GRB14: variants seen among roughly 807,000 people sequenced by gnomAD.
The protein encoded by GRB14 is growth factor receptor bound protein 14.
Under a neutral mutation model 69.1 loss-of-function variants are expected in GRB14, and 38 were observed. The observed-to-expected ratio is 0.55, with a 90% CI of 0.42 to 0.72. The LOEUF (loss-of-function observed/expected upper bound fraction) is 0.72, where lower values mean the gene tolerates loss of function less well. Ranked by LOEUF, GRB14 falls within the 30% of genes least tolerant of loss-of-function variation. The pLI is 0.00. For synonymous variants in GRB14, 247 were observed against 241.3 expected (o/e 1.02, Z -0.22); for missense variants, 666 against 666.1 (o/e 1.00, Z 0.00).
intron 3 of GRB14, 58 bp downstream of exon 3, chr2:164,547,602 G>A: frequency 7.4e-7 from 1 of 1,352,816 alleles, no homozygotes; most frequent in Non-Finnish European, 1.0e-6. Flanking sequence ...GTGTTCAAGA[G>A]GGAGCTGAAC....
At chr2:164,536,084 A>G (rs1485651586) in intron 3 of GRB14, among the ~76,000 whole-genome samples, 2 of 152,194 alleles carry the variant, frequency 1.3e-5, no homozygotes, top group Non-Finnish European at 2.9e-5. Flanking sequence ...TGAGCACAGC[A>G]TGTGATTTCT....
intron 8 of GRB14, among the ~76,000 whole-genome samples, chr2:164,507,357 C>T (rs1055104256): frequency 1.3e-5 from 2 of 152,110 alleles, no homozygotes; most frequent in Non-Finnish European, 2.9e-5. Context: ...AATGGGGGAA[C>T]CTAAGGACTT....
chr2:164,524,394 A>G (rs1380202755), intron 5 of GRB14, among the ~76,000 whole-genome samples: 2 of 152,118 alleles, frequency 1.3e-5, no homozygotes, highest in Admixed American at 6.6e-5. Flanking sequence ...GAAAATAACC[A>G]TTTCAAGCCA....
chr2:164,598,478 T>C (rs1479218179), intron 2 of GRB14, among the ~76,000 whole-genome samples: 1 of 152,200 alleles, frequency 6.6e-6, no homozygotes, highest in African/African-American at 2.4e-5. Context: ...ATTTGAATGT[T>C]AAATTAAATG....
Position 164,590,778 on chromosome 2 carries a change from C to T in GRB14, c.324+28909G>A, listed in dbSNP as rs181190304. 1.5e-4 allele frequency among the ~76,000 whole-genome samples: 23 copies of T among 152,250 alleles called. No individual in the cohort carries two copies. In the East Asian group the frequency reaches 4.2e-3, roughly 28 times the overall value. The stretch of plus-strand genomic sequence containing the variant: ...TAAATTTTCATAAATAAGATACAAT[C>T]ATTTTCTTCATTATTTGAATAGAAA... On this transcript the variant is annotated intron_variant, in intron 2 of 13. Transcript: ENST00000263915.
intron 3 of GRB14, among the ~76,000 whole-genome samples, chr2:164,536,731 A>G (rs1688088640): frequency 6.6e-6 from 1 of 152,210 alleles, no homozygotes; most frequent in South Asian, 2.1e-4. Flanking sequence ...ATTACAACCT[A>G]TGGATGTACT....
chr2:164,582,617 C>T (rs905205628), intron 2 of GRB14, among the ~76,000 whole-genome samples: 2 of 151,954 alleles, frequency 1.3e-5, no homozygotes, highest in Admixed American at 6.6e-5. Context: ...GACGGGGTTT[C>T]GCCATCTTGG....
rs760139783 is a variant in GRB14 at position 164,521,970 on chromosome 2, T to G, written c.816+10A>C. On this transcript the variant is annotated intron_variant, in intron 6 of 13. Transcript: ENST00000263915. ...GTCAGTCATAACACATCATGGATACTTCAATTTACCTTTGATGTTCCTTTA... is the reference window on the plus strand; with the variant it reads ...GTCAGTCATAACACATCATGGATACGTCAATTTACCTTTGATGTTCCTTTA... The G allele has an allele frequency of 6.3e-7, 1 of 1,592,668 alleles. No homozygotes were observed.
Position 164,621,227 on chromosome 2 carries a change from C to A in GRB14, c.83G>T (p.Gly28Val). The A allele has an allele frequency of 8.0e-7, 1 of 1,256,758 alleles. No homozygotes were observed. The allele number at this position is 1,256,758 out of a possible 1,614,324, so 77.9% of individuals were successfully genotyped here. ...RDSPLAAQVC[G>V]AAQGRGDAHD... ...GGCGTCGCCCCTCCCCTGGGCAGCGCCACACACCTGGGCGGCCAGCGGCGA... is the reference window on the plus strand; with the variant it reads ...GGCGTCGCCCCTCCCCTGGGCAGCGACACACACCTGGGCGGCCAGCGGCGA... The change falls in exon 1 of 14, where the codon GGC becomes GTC. Residue 28 changes from glycine (G) to valine (V), a missense_variant. Physicochemically the swap from Gly to Val is moderately radical, Grantham distance 109. Transcript: ENST00000263915. This position sits in a 1 kb window ranked among gnomAD's most constrained non-coding sequence, Gnocchi z 6.0.
At position 164,619,793 on chromosome 2, in the gene GRB14, G is replaced by A. The variant is rs531591469; in HGVS notation, c.218C>T (p.Pro73Leu). Residue 73 changes from proline to leucine, a missense_variant, in exon 2 of 14, where the codon CCG becomes CTG. Transcript: ENST00000263915. ...DRRKKKDLDV[P>L]EMPSIPNPFP... ...AGGGTTTGGAATAGATGGCATTTCCGGAACATCAAGATCTTTCTTTTTTCT... is the reference window on the plus strand; with the variant it reads ...AGGGTTTGGAATAGATGGCATTTCCAGAACATCAAGATCTTTCTTTTTTCT... The A allele has an allele frequency of 2.6e-5, 42 of 1,609,992 alleles. No homozygotes were observed. In the East Asian group the frequency reaches 2.9e-4, roughly 11 times the overall value.
At chr2:164,588,526 G>T (rs374692264) in intron 2 of GRB14, among the ~76,000 whole-genome samples, 1 of 151,492 alleles carries the variant, frequency 6.6e-6, no homozygotes, top group African/African-American at 2.4e-5. Flanking sequence ...ACTCTTAACC[G>T]TAACTATAGG....
At chr2:164,549,973 T>C (rs1322039699) in intron 2 of GRB14, among the ~76,000 whole-genome samples, 1 of 151,684 alleles carries the variant, frequency 6.6e-6, no homozygotes, top group Non-Finnish European at 1.5e-5. Context: ...TAAATAACCC[T>C]AGTAACATGG....
At chr2:164,501,907 T>C (rs2105259824) in intron 9 of GRB14, among the ~76,000 whole-genome samples, 1 of 152,078 alleles carries the variant, frequency 6.6e-6, no homozygotes, top group Non-Finnish European at 1.5e-5. Flanking sequence ...CAATCTACAA[T>C]GCCAAGGAAT....
At chr2:164,497,511 T>G (rs1686936149) in intron 9 of GRB14, 21 bp from the exon 10 acceptor site, 1 of 1,402,748 alleles carries the variant, frequency 7.1e-7, no homozygotes, top group South Asian at 1.2e-5. Flanking sequence ...GAAACACATT[T>G]GAGTTATGAA....
At chr2:164,617,101 GT>G (rs1690315982) in intron 2 of GRB14, among the ~76,000 whole-genome samples, 1 of 152,148 alleles carries the variant, frequency 6.6e-6, no homozygotes, top group South Asian at 2.1e-4. Flanking sequence ...CAAAGTCTAG[GT>G]GGGGGAAAAA....
intron 3 of GRB14, among the ~76,000 whole-genome samples, chr2:164,545,521 T>C (rs1435927625): frequency 1.3e-5 from 2 of 152,158 alleles, no homozygotes; most frequent in Non-Finnish European, 2.9e-5. Flanking sequence ...CCACCAGAGC[T>C]GGAAGAGGCA....
At chr2:164,498,821 A>C (rs888644294) in intron 9 of GRB14, among the ~76,000 whole-genome samples, 2 of 152,148 alleles carry the variant, frequency 1.3e-5, no homozygotes, top group African/African-American at 4.8e-5. Flanking sequence ...TAGCATTTGT[A>C]ATTTTCTCTT....
At chr2:164,568,338 T>G in intron 2 of GRB14, 1 of 1,289,012 alleles carries the variant, frequency 7.8e-7, no homozygotes, top group Non-Finnish European at 1.0e-6. Flanking sequence ...ATTATTGGCG[T>G]TATTGCAGGC....
At position 164,512,080 on chromosome 2, in the gene GRB14, T is replaced by C. The variant is rs192662276; in HGVS notation, c.817-3228A>G. ...AAGTGGGGGGAAGAGTGGGAAGGCC[T>C]GCGTCTCATGGTTTGAGTGCCTGCT... On this transcript the variant is annotated intron_variant, in intron 6 of 13. Transcript: ENST00000263915. 2.8e-3 allele frequency among the ~76,000 whole-genome samples: 420 copies of C among 152,284 alleles called. 2 individuals are homozygous for C. The highest frequency in any genetic ancestry group is 9.7e-3 in the African/African-American group (404 of 41,572).
Sources: gnomAD v4.1 joint callset for allele counts (sites outside exome capture counted in the v4.1 genomes callset) on GRCh38, gnomAD v4.1.1 for gene constraint, Gnocchi (gnomAD v3.1) non-coding constraint, MANE v1.5 for transcripts, NCBI Gene and HGNC (gene_info 2026-07-23, HGNC 2026-07-21) for gene names.